Variants in ARHGAP24 observed in about 807,000 individuals in gnomAD.
ARHGAP24 encodes rho GTPase-activating protein 24.
Under a neutral mutation model 76.4 loss-of-function variants are expected in ARHGAP24, and 50 were observed. That is an observed-to-expected ratio of 0.65 (90% CI 0.52 to 0.83). The LOEUF (loss-of-function observed/expected upper bound fraction) is 0.83, where lower values mean the gene tolerates loss of function less well. Among genes scored for constraint, ARHGAP24 ranks in the 40% least tolerant of loss-of-function variants. ARHGAP24 has a pLI of 0.00. For synonymous variants in ARHGAP24, 345 were observed against 323.3 expected (o/e 1.07, Z -0.72); for missense variants, 930 against 914.2 (o/e 1.02, Z -0.22).
chr4:85,987,388 A>G (rs1740064721), intron 8 of ARHGAP24, among the ~76,000 whole-genome samples: 1 of 152,050 alleles, frequency 6.6e-6, no homozygotes, highest in Non-Finnish European at 1.5e-5. Flanking sequence ...AAAATTCAGT[A>G]ACCAACTGTA....
intron 2 of ARHGAP24, among the ~76,000 whole-genome samples, chr4:85,606,426 T>C (rs1019137051): frequency 1.3e-5 from 2 of 150,906 alleles, no homozygotes; most frequent in Non-Finnish European, 2.9e-5. Context: ...GGCAGGAGAA[T>C]GGCGTGAACT....
chr4:85,978,681 C>T (rs1372396148), intron 8 of ARHGAP24, among the ~76,000 whole-genome samples: 2 of 151,940 alleles, frequency 1.3e-5, no homozygotes, highest in Admixed American at 6.6e-5. Context: ...AATTAAAATA[C>T]GTGCAATACA....
chr4:85,713,504 G>A lies in ARHGAP24; in HGVS notation c.181-8381G>A, dbSNP rs141831748. 3.5e-3 allele frequency among the ~76,000 whole-genome samples: 531 copies of A among 152,008 alleles called. 5 individuals are homozygous for A. The highest frequency in any genetic ancestry group is 5.2e-3 in the Non-Finnish European group (354 of 67,988). On this transcript the variant is annotated intron_variant, in intron 2 of 9. Coordinates refer to ENST00000395184, the MANE Select transcript of ARHGAP24 (RefSeq NM_001025616.3). ...TTCTAAGCATGTTGGCATTTTCAAC[G>A]TCCTACATCTATGTTTGATGGATAA...
At chr4:85,951,575 G>A (rs1388265454) in intron 5 of ARHGAP24, among the ~76,000 whole-genome samples, 2 of 152,114 alleles carry the variant, frequency 1.3e-5, no homozygotes, top group African/African-American at 2.4e-5. Context: ...TGAAGCTATG[G>A]ATCCGTTTGG....
At chr4:85,896,491 T>C (rs926942042) in intron 3 of ARHGAP24, among the ~76,000 whole-genome samples, 3 of 152,222 alleles carry the variant, frequency 2.0e-5, no homozygotes, top group Non-Finnish European at 4.4e-5. Flanking sequence ...AATTTCTTTG[T>C]AGAAGTGGCT....
intron 5 of ARHGAP24, among the ~76,000 whole-genome samples, chr4:85,956,550 T>C (rs1356840761): frequency 1.3e-5 from 2 of 152,160 alleles, no homozygotes; most frequent in Non-Finnish European, 2.9e-5. Flanking sequence ...AGGAATGGAA[T>C]CTTGGTCCAT....
intron 1 of ARHGAP24, among the ~76,000 whole-genome samples, chr4:85,504,671 C>T (rs1158476607): frequency 2.0e-5 from 3 of 152,102 alleles, no homozygotes; most frequent in Non-Finnish European, 4.4e-5. Flanking sequence ...GACTCTTTAT[C>T]CAGTTTGCCA....
Position 85,699,733 on chromosome 4 carries a change from G to C in ARHGAP24, c.181-22152G>C, listed in dbSNP as rs570880156. On this transcript the variant is annotated intron_variant, in intron 2 of 9. Coordinates refer to ENST00000395184, the MANE Select transcript of ARHGAP24 (RefSeq NM_001025616.3). ...TCTACTGTTTTTTCTTTTCTGAACAGTCATTATCATCTTCTAAGGTAGTAC... is the reference window on the plus strand; with the variant it reads ...TCTACTGTTTTTTCTTTTCTGAACACTCATTATCATCTTCTAAGGTAGTAC... Among the ~76,000 whole-genome samples, 187 of 151,924 alleles carry C rather than the reference G, an allele frequency of 1.2e-3. 1 individual carries two copies. Among genetic ancestry groups the C allele is most frequent in the African/African-American group, 4.4e-3 (182 of 41,400 alleles).
chr4:85,477,907 T>C (rs1722665051), intron 1 of ARHGAP24, among the ~76,000 whole-genome samples: 2 of 152,236 alleles, frequency 1.3e-5, no homozygotes. Context: ...TTGTAGTTAT[T>C]TTCCTGTGAA....
intron 3 of ARHGAP24, among the ~76,000 whole-genome samples, chr4:85,916,418 T>A (rs1468118445): frequency 6.6e-6 from 1 of 152,190 alleles, no homozygotes; most frequent in Non-Finnish European, 1.5e-5. Flanking sequence ...GTTCAAGTTC[T>A]GAATATCCTT....
intron 2 of ARHGAP24, among the ~76,000 whole-genome samples, chr4:85,700,654 T>G (rs955462617): frequency 2.6e-5 from 4 of 152,052 alleles, no homozygotes; most frequent in Non-Finnish European, 5.9e-5. Flanking sequence ...TGTTGTGTGT[T>G]AGATATCCAA....
intron 1 of ARHGAP24, among the ~76,000 whole-genome samples, chr4:85,480,497 T>G (rs940366077): frequency 1.3e-5 from 2 of 152,180 alleles, no homozygotes; most frequent in African/African-American, 2.4e-5. Context: ...TACCCACAAG[T>G]GTACTAAGCT....
At chr4:85,742,639 A>G (rs190514145) in intron 3 of ARHGAP24, among the ~76,000 whole-genome samples, 1 of 152,356 alleles carries the variant, frequency 6.6e-6, no homozygotes, top group East Asian at 1.9e-4. Flanking sequence ...ATTAAATCCA[A>G]TTAACAGATG....
intron 2 of ARHGAP24, among the ~76,000 whole-genome samples, chr4:85,642,227 C>A (rs1445180267): frequency 6.6e-6 from 1 of 152,086 alleles, no homozygotes; most frequent in Non-Finnish European, 1.5e-5. Flanking sequence ...GAGACAGATT[C>A]TGTTTTCCAA....
intron 3 of ARHGAP24, among the ~76,000 whole-genome samples, chr4:85,824,376 C>G (rs1729614044): frequency 6.6e-6 from 1 of 152,142 alleles, no homozygotes; most frequent in Non-Finnish European, 1.5e-5. Flanking sequence ...TTAGTTCACA[C>G]ACTAGAAACA....
chr4:85,773,150 A>G (rs936907752), intron 3 of ARHGAP24, among the ~76,000 whole-genome samples: 1 of 152,212 alleles, frequency 6.6e-6, no homozygotes, highest in Non-Finnish European at 1.5e-5. Flanking sequence ...ATTTTAAAAT[A>G]TACTTTAGGG....
intron 2 of ARHGAP24, among the ~76,000 whole-genome samples, chr4:85,622,340 T>C (rs562995054): frequency 1.4e-5 from 2 of 143,326 alleles, no homozygotes; most frequent in African/African-American, 5.1e-5. Context: ...AGTGAGAACA[T>C]GCGGTGTTTG....
intron 2 of ARHGAP24, among the ~76,000 whole-genome samples, chr4:85,652,990 A>G (rs899361729): frequency 2.6e-5 from 4 of 152,106 alleles, no homozygotes; most frequent in African/African-American, 9.7e-5. Context: ...TTTTTCTTCA[A>G]TATGTTAAGA....
intron 2 of ARHGAP24, among the ~76,000 whole-genome samples, chr4:85,631,002 C>T (rs986588833): frequency 6.6e-6 from 1 of 151,920 alleles, no homozygotes; most frequent in Non-Finnish European, 1.5e-5. Flanking sequence ...TATACACACA[C>T]ATGCATGTGT....
Sources: allele counts gnomAD v4.1 joint callset (sites outside exome capture counted in the v4.1 genomes callset), GRCh38; gene constraint gnomAD v4.1.1; transcripts MANE v1.5; gene names NCBI Gene and HGNC (gene_info 2026-07-23, HGNC 2026-07-21).